Variants in VRK2 observed in about 807,000 individuals in gnomAD.
The protein encoded by VRK2 is VRK serine/threonine kinase 2.
In VRK2, 60 loss-of-function variants were observed where a neutral mutation model predicts 57.6. That is an observed-to-expected ratio of 1.04 (90% confidence interval 0.85 to 1.29). The LOEUF (loss-of-function observed/expected upper bound fraction) is 1.29. VRK2 is among the 50% of genes most tolerant of loss of function. VRK2 has a pLI of 0.00. For missense variants in VRK2, 705 were observed against 588.1 expected (o/e 1.20, Z -2.06); for synonymous variants, 231 against 199.2 (o/e 1.16, Z -1.35).
At chr2:57,933,014 T>C (rs966694555) in intron 1 of VRK2, among the ~76,000 whole-genome samples, 2 of 152,140 alleles carry the variant, frequency 1.3e-5, no homozygotes, top group Non-Finnish European at 1.5e-5. Flanking sequence ...TCTAGTTTTG[T>C]ATTTTTATTT....
At chr2:58,030,524 CA>C in intron 2 of VRK2, among the ~76,000 whole-genome samples, 1 of 151,938 alleles carries the variant, frequency 6.6e-6, no homozygotes, top group East Asian at 1.9e-4. Flanking sequence ...TTGGCTTGGG[CA>C]AAAAAATATC....
intron 5 of VRK2, among the ~76,000 whole-genome samples, chr2:58,087,693 T>C (rs891009480): frequency 6.6e-6 from 1 of 152,044 alleles, no homozygotes; most frequent in Non-Finnish European, 1.5e-5. Flanking sequence ...AACAAACAAA[T>C]ATAAAATTCA....
Position 58,014,468 on chromosome 2 carries a change from G to A in VRK2, c.-438-11197G>A, listed in dbSNP as rs370326548. Among the ~76,000 whole-genome samples the A allele has an allele frequency of 8.5e-5, 13 of 152,290 alleles. No homozygotes were observed. In the East Asian group the frequency reaches 2.3e-3, roughly 27 times the overall value. ...CAGTGATCAATTAGCTTCAGTGCAAGGGAAAATTTCATAATTCTTACCAGT... is the reference window on the plus strand; with the variant it reads ...CAGTGATCAATTAGCTTCAGTGCAAAGGAAAATTTCATAATTCTTACCAGT... On this transcript the variant is annotated intron_variant, in intron 1 of 15. Coordinates refer to the VRK2 transcript ENST00000417641.
At chr2:58,147,824 A>G (rs908497457) in intron 12 of VRK2, among the ~76,000 whole-genome samples, 2 of 117,744 alleles carry the variant, frequency 1.7e-5, no homozygotes, top group Admixed American at 8.8e-5. Flanking sequence ...TTTGAGATTT[A>G]TCCATGTTCA....
Position 58,089,674 on chromosome 2 carries a change from G to T in VRK2, c.494G>T (p.Gly165Val), listed in dbSNP as rs767418182. 6.2e-7 allele frequency: 1 copy of T among 1,608,262 alleles called. No individual in the cohort carries two copies. The highest frequency in any genetic ancestry group is 8.5e-7 in the Non-Finnish European group (1 of 1,176,510). Residue 165 changes from glycine (G) to valine (V), a missense_variant, in exon 7 of 13, where the codon GGT becomes GTT. Transcript: ENST00000340157. ...ATACATGAAAATGAATATGTTCATG[G>T]TGATATAAAAGCAGCAAATCTACTT... ...EYIHENEYVH[G>V]DIKAANLLLG...
intron 1 of VRK2, among the ~76,000 whole-genome samples, chr2:58,023,623 T>A (rs949253285): frequency 6.6e-6 from 1 of 152,176 alleles, no homozygotes; most frequent in African/African-American, 2.4e-5. Flanking sequence ...ATGTCTGCAA[T>A]TAAAATGATC....
intron 1 of VRK2, 148 bp downstream of exon 1, chr2:58,047,016 C>G: frequency 1.0e-6 from 1 of 971,158 alleles, no homozygotes; most frequent in South Asian, 4.8e-5. Flanking sequence ...AGCTCCGGCC[C>G]GGGCAGAGTC....
At chr2:58,122,956 C>A (rs989259075) in intron 7 of VRK2, 145 bp from the exon 8 acceptor site, 2 of 962,628 alleles carry the variant, frequency 2.1e-6, no homozygotes, top group Non-Finnish European at 2.8e-6. Flanking sequence ...CCCAGTTGTA[C>A]ATATTTTATC....
intron 1 of VRK2, among the ~76,000 whole-genome samples, chr2:57,971,189 T>C (rs1354805646): frequency 3.3e-5 from 5 of 151,998 alleles, no homozygotes; most frequent in African/African-American, 1.2e-4. Context: ...GGAAAAGGTA[T>C]GTGGGACAAA....
At chr2:57,928,301 T>A (rs760729536) in intron 1 of VRK2, among the ~76,000 whole-genome samples, 36 of 152,236 alleles carry the variant, frequency 2.4e-4, no homozygotes, top group Non-Finnish European at 4.7e-4. Flanking sequence ...TTCTTCTGCT[T>A]GATTAATCCT....
At chr2:58,091,536 T>G (rs1446508189) in intron 7 of VRK2, among the ~76,000 whole-genome samples, 1 of 151,732 alleles carries the variant, frequency 6.6e-6, no homozygotes, top group Non-Finnish European at 1.5e-5. Context: ...GTTTAAAGAG[T>G]TAAATGATTG....
chr2:57,926,301 T>C (rs983553291), intron 1 of VRK2, among the ~76,000 whole-genome samples: 1 of 151,918 alleles, frequency 6.6e-6, no homozygotes, highest in South Asian at 2.1e-4. Context: ...CTGGATGATC[T>C]GTCCAATGCT....
At chr2:58,026,090 C>T (rs931790420) in intron 2 of VRK2, among the ~76,000 whole-genome samples, 1 of 152,040 alleles carries the variant, frequency 6.6e-6, no homozygotes, top group East Asian at 1.9e-4. Flanking sequence ...CCAAGTCTTC[C>T]CTCTTTCAAT....
intron 2 of VRK2, among the ~76,000 whole-genome samples, chr2:58,070,145 G>A (rs1669182623): frequency 6.6e-6 from 1 of 152,030 alleles, no homozygotes; most frequent in Non-Finnish European, 1.5e-5. Context: ...AAACAATATT[G>A]ATACATTATT....
In VRK2 at chr2:57,987,464, C is replaced by T. The variant is rs551562438; in HGVS notation, c.-438-38201C>T. Among the ~76,000 whole-genome samples, 5 of 152,094 alleles carry T rather than the reference C, an allele frequency of 3.3e-5. No individual in the cohort carries two copies. The East Asian group carries it at 9.7e-4, about 29-fold the overall frequency. On this transcript the variant is annotated intron_variant, in intron 1 of 15. Transcript: ENST00000417641. Reference sequence around the variant, plus strand: ...TAAAATTATGAGATACTACTACATACCTATTTGAATAGCTTTAAAAAAAAA... The same window carrying T: ...TAAAATTATGAGATACTACTACATATCTATTTGAATAGCTTTAAAAAAAAA...
intron 7 of VRK2, among the ~76,000 whole-genome samples, chr2:58,106,626 T>C (rs1371758885): frequency 6.6e-6 from 1 of 151,872 alleles, no homozygotes; most frequent in Non-Finnish European, 1.5e-5. Context: ...TCTCAAAAAA[T>C]ATGAAAGGAT....
Position 58,131,798 on chromosome 2 carries a change from AC to A in VRK2, c.677-9del. 1 of 1,596,228 alleles carries A rather than the reference AC, an allele frequency of 6.3e-7. No homozygotes were observed. Among genetic ancestry groups the A allele is most frequent in the Non-Finnish European group, 8.5e-7 (1 of 1,174,092 alleles). ...TCCCTTATCTTTCTCTCTAATGCTT[AC>A]TCCTATAGCCTTGTCCAGACGAAGT... On this transcript the variant is annotated splice_polypyrimidine_tract_variant and intron_variant, in intron 8 of 12. Coordinates refer to ENST00000340157, the MANE Select transcript of VRK2 (RefSeq NM_006296.7).
intron 1 of VRK2, among the ~76,000 whole-genome samples, chr2:57,951,532 T>A (rs887684318): frequency 6.6e-6 from 1 of 152,190 alleles, no homozygotes; most frequent in Admixed American, 6.5e-5. Flanking sequence ...TAAAATGCTA[T>A]CAAACTGCTT....
intron 10 of VRK2, among the ~76,000 whole-genome samples, chr2:58,136,904 CAT>C (rs1183941963): frequency 1.6e-4 from 2 of 12,888 alleles, no homozygotes; most frequent in Non-Finnish European, 2.9e-4. Context: ...GTATATATAT[CAT>C]ATATATATCA....
Sources: allele counts gnomAD v4.1 joint callset (sites outside exome capture counted in the v4.1 genomes callset), GRCh38; gene constraint gnomAD v4.1.1; transcripts MANE v1.5; gene names NCBI Gene and HGNC (gene_info 2026-07-23, HGNC 2026-07-21).